SAFB: variants seen among roughly 807,000 people sequenced by gnomAD.
SAFB encodes the protein scaffold attachment factor B.
Under a neutral mutation model 101.6 loss-of-function variants are expected in SAFB, and 15 were observed. The observed-to-expected ratio is 0.15, with a 90% CI of 0.10 to 0.23. The LOEUF (loss-of-function observed/expected upper bound fraction) is 0.23, where lower values mean the gene tolerates loss of function less well. Among genes scored for constraint, SAFB ranks in the 10% least tolerant of loss-of-function variants. SAFB has a pLI of 1.00. For synonymous variants in SAFB, 449 were observed against 407.5 expected (o/e 1.10, Z -1.23); for missense variants, 930 against 1,104.1 (o/e 0.84, Z 2.23).
intron 2 of SAFB, among the ~76,000 whole-genome samples, chr19:5,629,171 G>A (rs2053434818): frequency 6.6e-6 from 1 of 152,342 alleles, no homozygotes; most frequent in Admixed American, 6.5e-5. Flanking sequence ...TAAAAGTTAG[G>A]CATACTTCTC....
rs1438206130 is a variant in SAFB, at chr19:5,667,281, G to A, written c.2454-66G>A. On this transcript the variant is annotated intron_variant, in intron 18 of 20. Coordinates refer to ENST00000588852, the MANE Select transcript of SAFB (RefSeq NM_001201338.2). The surrounding 1 kb of genome is among the most constrained non-coding windows in gnomAD (Gnocchi z 4.0). ...CAGAGGGATTCACTCTCCAGAAGCCGCCACAGTTATTAGCACAAGAGCCAG... is the reference window on the plus strand; with the variant it reads ...CAGAGGGATTCACTCTCCAGAAGCCACCACAGTTATTAGCACAAGAGCCAG... The A allele has an allele frequency of 1.0e-5, 14 of 1,338,362 alleles. 1 individual carries two copies. Among genetic ancestry groups the A allele is most frequent in the South Asian group, 8.9e-5 (6 of 67,304 alleles). The allele number at this position is 1,338,362 out of a possible 1,614,324, so 82.9% of individuals were successfully genotyped here.
At chr19:5,626,283 G>C in intron 1 of SAFB, 122 bp from the exon 2 acceptor site, 1 of 657,456 alleles carries the variant, frequency 1.5e-6, no homozygotes, top group Non-Finnish European at 2.8e-6. Flanking sequence ...CAGGTCCTGG[G>C]TGGTGAGGGC....
At chr19:5,659,404 C>T (rs1213665128) in intron 14 of SAFB, among the ~76,000 whole-genome samples, 6 of 150,866 alleles carry the variant, frequency 4.0e-5, no homozygotes, top group African/African-American at 1.5e-4. Context: ...TTTTCCGAGA[C>T]GGAATCTTGC....
Position 5,623,103 on chromosome 19 carries a change from C to G in SAFB, c.-103C>G. 1 of 1,202,072 alleles carries G rather than the reference C, an allele frequency of 8.3e-7. No homozygotes were observed. Among genetic ancestry groups the G allele is most frequent in the African/African-American group, 1.5e-5 (1 of 64,792 alleles). The allele number at this position is 1,202,072 out of a possible 1,614,324, so 74.5% of individuals were successfully genotyped here. On this transcript the variant is annotated 5_prime_UTR_variant, in exon 1 of 21. Coordinates refer to ENST00000588852, the MANE Select transcript of SAFB (RefSeq NM_001201338.2). ...TGCGCAGAAGCGAGGCGCGCTGGGGCGACTGGAGCGGTTCCCTCGCAGGCG... is the reference window on the plus strand; with the variant it reads ...TGCGCAGAAGCGAGGCGCGCTGGGGGGACTGGAGCGGTTCCCTCGCAGGCG...
At position 5,653,205 on chromosome 19, in the gene SAFB, A is replaced by G. The variant is rs753172228; in HGVS notation, c.1384A>G (p.Lys462Glu). Residue 462 changes from lysine to glutamate, a missense_variant, in exon 10 of 21, where the codon AAA (lysine) becomes GAA (glutamate). Transcript: ENST00000588852. ...VTMSTAEEAT[K>E]CINHLHKTEL... ...GATGTCCACAGCAGAAGAGGCCACAAAATGCATTAACCACCTGCACAAGAC... is the reference window on the plus strand; with the variant it reads ...GATGTCCACAGCAGAAGAGGCCACAGAATGCATTAACCACCTGCACAAGAC... 6 of 1,614,148 alleles carry G rather than the reference A, an allele frequency of 3.7e-6. No homozygotes were observed. Among genetic ancestry groups the G allele is most frequent in the Non-Finnish European group, 4.2e-6 (5 of 1,180,036 alleles).
chr19:5,660,460 G>A (rs2054171882), intron 14 of SAFB, among the ~76,000 whole-genome samples: 1 of 142,298 alleles, frequency 7.0e-6, no homozygotes, highest in African/African-American at 2.6e-5. Flanking sequence ...TCAAGTGATT[G>A]ATCCTCCCAC....
intron 1 of SAFB, 50 bp from the exon 2 acceptor site, chr19:5,626,355 A>G (rs781257750): frequency 2.0e-6 from 2 of 1,022,358 alleles, no homozygotes; most frequent in East Asian, 4.7e-5. Context: ...CTCTGAAAGC[A>G]GTGTGTGAGC....
At position 5,640,702 on chromosome 19, in the gene SAFB, G is replaced by T. The variant is rs553151110; in HGVS notation, c.275-892G>T. On this transcript the variant is annotated intron_variant, in intron 2 of 20. Coordinates refer to ENST00000588852, the MANE Select transcript of SAFB (RefSeq NM_001201338.2). ...CCTCCAGAGTTCAAGCGATTTTCCTGCCTCCGCCTCCTGAGTAGCTGAGAT... is the reference window on the plus strand; with the variant it reads ...CCTCCAGAGTTCAAGCGATTTTCCTTCCTCCGCCTCCTGAGTAGCTGAGAT... 2.0e-3 allele frequency among the ~76,000 whole-genome samples: 307 copies of T among 152,146 alleles called. 1 individual carries two copies. The Middle Eastern group carries it at 0.024, about 12-fold the overall frequency.
intron 15 of SAFB, among the ~76,000 whole-genome samples, chr19:5,663,458 T>C (rs2054260492): frequency 6.6e-6 from 1 of 152,218 alleles, no homozygotes; most frequent in Non-Finnish European, 1.5e-5. Context: ...TGTTTGTTGT[T>C]TCTTTCTATT....
chr19:5,659,100 C>T (rs143400467), intron 14 of SAFB, among the ~76,000 whole-genome samples: 2,537 of 151,952 alleles, frequency 0.017, 42 homozygotes, highest in East Asian at 0.026. Context: ...CGAGATTGCG[C>T]CACTGCACTC....
At chr19:5,636,092 G>A (rs995129555) in intron 2 of SAFB, among the ~76,000 whole-genome samples, 2 of 151,914 alleles carry the variant, frequency 1.3e-5, no homozygotes, top group African/African-American at 2.4e-5. Flanking sequence ...TTACCTCGGG[G>A]GAGCTTTCCC....
At chr19:5,624,800 A>G (rs779630740) in intron 1 of SAFB, among the ~76,000 whole-genome samples, 1 of 149,606 alleles carries the variant, frequency 6.7e-6, no homozygotes, top group African/African-American at 2.5e-5. Flanking sequence ...TCTTTTCACT[A>G]TGGATTCTCT....
rs1356638227 is a variant in SAFB at position 5,661,752 on chromosome 19, A to G, written c.2097A>G (p.Glu699=). The G allele has an allele frequency of 3.8e-6, 6 of 1,586,164 alleles. No individual in the cohort carries two copies. The highest frequency in any genetic ancestry group is 5.1e-6 in the Non-Finnish European group (6 of 1,168,404). ...GCGAGGAGCTGAGGCGCCAGCAGGA[A>G]CTGCGCTATGAGCAGGAGCGGCGGC... The part of the protein sequence containing the change: ...REREELRRQQ[E]LRYEQERRPA... Residue 699 remains glutamate, a synonymous_variant, in exon 15 of 21, where the codon GAA becomes GAG. Transcript: ENST00000588852.
chr19:5,644,057 T>G (rs1171820147), intron 4 of SAFB, among the ~76,000 whole-genome samples: 2 of 152,318 alleles, frequency 1.3e-5, no homozygotes, highest in African/African-American at 4.8e-5. Flanking sequence ...GTTTTGTTTT[T>G]GTTTTGGGGT....
intron 17 of SAFB, chr19:5,665,001 T>C (rs1293216323): frequency 6.5e-6 from 1 of 154,566 alleles, no homozygotes; most frequent in African/African-American, 2.4e-5. Flanking sequence ...AGGAGAGCCT[T>C]GGACCTCTAG....
intron 17 of SAFB, chr19:5,665,623 G>T (rs1319461510): frequency 6.6e-6 from 1 of 152,092 alleles, no homozygotes; most frequent in East Asian, 1.9e-4. Flanking sequence ...ATGTGAGCCA[G>T]CACACCTGGC....
At chr19:5,643,253 G>C (rs1239954512) in intron 4 of SAFB, among the ~76,000 whole-genome samples, 2 of 151,742 alleles carry the variant, frequency 1.3e-5, no homozygotes, top group Non-Finnish European at 2.9e-5. Context: ...GTGTTGGCTC[G>C]TGGGGGGCCC....
chr19:5,664,248 C>G (rs936068919), intron 16 of SAFB, 89 bp downstream of exon 16: 16 of 1,472,480 alleles, frequency 1.1e-5, no homozygotes, highest in Non-Finnish European at 1.4e-5. Context: ...TCTGAACCCA[C>G]TCCGTTCATC....
At chr19:5,625,034 T>G (rs2053325772) in intron 1 of SAFB, among the ~76,000 whole-genome samples, 1 of 152,186 alleles carries the variant, frequency 6.6e-6, no homozygotes, top group Non-Finnish European at 1.5e-5. Context: ...TTCCCATCAC[T>G]CGCTGTCATC....
Sources: gnomAD v4.1 joint callset for allele counts (sites outside exome capture counted in the v4.1 genomes callset) on GRCh38, gnomAD v4.1.1 for gene constraint, Gnocchi (gnomAD v3.1) non-coding constraint, MANE v1.5 for transcripts, NCBI Gene and HGNC (gene_info 2026-07-23, HGNC 2026-07-21) for gene names.